Variants in SNX14 observed in about 807,000 individuals in gnomAD.
SNX14 encodes sorting nexin 14, also known as sorting nexin-14.
A neutral mutation model predicts 133.8 loss-of-function variants in SNX14; 93 were observed. That is an observed-to-expected ratio of 0.70 (90% CI 0.59 to 0.83). The LOEUF (loss-of-function observed/expected upper bound fraction) is 0.83, where lower values mean the gene tolerates loss of function less well. Ranked by LOEUF, SNX14 falls within the 40% of genes least tolerant of loss-of-function variation. The pLI, the probability that SNX14 is intolerant of heterozygous loss-of-function variation, is 0.00. For synonymous variants in SNX14, 368 were observed against 365.6 expected, an observed-to-expected ratio of 1.01 and a Z score of -0.07; for missense variants, 945 against 1,094.9, an observed-to-expected ratio of 0.86 and a Z score of 1.93.
chr6:85,514,097 A>G lies in SNX14; in HGVS notation c.2530T>C (p.Leu844=). The G allele has an allele frequency of 6.2e-7, 1 of 1,613,500 alleles. No homozygotes were observed. The highest frequency in any genetic ancestry group is 8.5e-7 in the Non-Finnish European group (1 of 1,179,814). ...CTGAGAAGTGTTATGAGTGAGACCAAACGGTGCTCCTGAAATAGCTGTTCT... is the reference window on the plus strand; with the variant it reads ...CTGAGAAGTGTTATGAGTGAGACCAGACGGTGCTCCTGAAATAGCTGTTCT... ...KLEQLFQEHR[L]VSLITLLRDA... The change falls in exon 25 of 29, where the codon TTG becomes CTG. Residue 844 remains leucine, a synonymous_variant. Coordinates refer to ENST00000314673, the MANE Select transcript of SNX14 (RefSeq NM_153816.6).
At chr6:85,577,374 C>G (rs1164810118) in intron 1 of SNX14, among the ~76,000 whole-genome samples, 1 of 152,038 alleles carries the variant, frequency 6.6e-6, no homozygotes, top group African/African-American at 2.4e-5. Flanking sequence ...GCTGAGATCA[C>G]GCCACTGCAC....
chr6:85,579,955 C>T (rs9450302), intron 1 of SNX14, among the ~76,000 whole-genome samples: 100,307 of 151,976 alleles, frequency 0.66, 33,897 homozygotes, highest in African/African-American at 0.79. Context: ...AGCCTTCTAT[C>T]TGGCGATCTT....
intron 4 of SNX14, among the ~76,000 whole-genome samples, chr6:85,570,756 G>T (rs1795278747): frequency 6.6e-6 from 1 of 151,924 alleles, no homozygotes. Flanking sequence ...GGGAGGCTGA[G>T]GCAAGAGAAT....
intron 16 of SNX14, chr6:85,537,169 C>A: frequency 2.9e-6 from 1 of 340,766 alleles, no homozygotes. Flanking sequence ...TTTATAAACA[C>A]TCAAAATTTA....
chr6:85,538,338 T>C (rs1782570640), intron 16 of SNX14, among the ~76,000 whole-genome samples: 1 of 152,084 alleles, frequency 6.6e-6, no homozygotes, highest in South Asian at 2.1e-4. Flanking sequence ...GACATAAAAA[T>C]GTTAACAAAA....
intron 4 of SNX14, among the ~76,000 whole-genome samples, chr6:85,568,649 G>A (rs976741636): frequency 1.4e-4 from 22 of 152,286 alleles, no homozygotes; most frequent in Admixed American, 1.3e-4. Context: ...ATGCAGTAGG[G>A]AGGGAACAAA....
chr6:85,548,340 G>A lies in SNX14; in HGVS notation c.828C>T (p.Gly276=). Reference sequence around the variant, plus strand: ...AATCCAAAGAAGGAAGGAACACAGAGCCAGACAGAATCTCTCTTATAAGTA... The same window carrying A: ...AATCCAAAGAAGGAAGGAACACAGAACCAGACAGAATCTCTCTTATAAGTA... The part of the protein sequence containing the change: ...LTLLIREILS[G]SVFLPSLDFL... The change falls in exon 9 of 29, where the codon GGC becomes GGT. Residue 276 remains glycine (G), a synonymous_variant. Coordinates refer to ENST00000314673, the MANE Select transcript of SNX14 (RefSeq NM_153816.6). The A allele has an allele frequency of 6.2e-7, 1 of 1,608,054 alleles. No homozygotes were observed. The highest frequency in any genetic ancestry group is 1.1e-5 in the South Asian group (1 of 89,370).
At chr6:85,521,205 C>T (rs1374624813) in intron 21 of SNX14, among the ~76,000 whole-genome samples, 1 of 151,976 alleles carries the variant, frequency 6.6e-6, no homozygotes, top group Non-Finnish European at 1.5e-5. Context: ...ATTTATTGAC[C>T]ATATATTGAT....
chr6:85,581,600 T>C (rs1799085868), intron 1 of SNX14: 1 of 151,962 alleles, frequency 6.6e-6, no homozygotes, highest in South Asian at 2.1e-4. Flanking sequence ...AAATTCAAGA[T>C]AACACAGAGA....
chr6:85,530,824 TAACAGA>T (rs1409381639), intron 18 of SNX14, among the ~76,000 whole-genome samples: 2 of 152,196 alleles, frequency 1.3e-5, no homozygotes, highest in Non-Finnish European at 2.9e-5. Context: ...ACTTTTTCTA[TAACAGA>T]ATCAGAGCTG....
chr6:85,505,913 C>T lies in SNX14; in HGVS notation c.*54G>A. 8.0e-7 allele frequency: 1 copy of T among 1,257,186 alleles called. No homozygotes were observed. Among genetic ancestry groups the T allele is most frequent in the Non-Finnish European group, 1.2e-6 (1 of 860,154 alleles). The allele number at this position is 1,257,186 out of a possible 1,614,324, so 77.9% of individuals were successfully genotyped here. A position where few individuals can be genotyped will look rare whatever the true frequency, so the allele number is the denominator to read the frequency against. On this transcript the variant is annotated 3_prime_UTR_variant, in exon 29 of 29. Coordinates refer to ENST00000314673, the MANE Select transcript of SNX14 (RefSeq NM_153816.6). ...ATATACCCAAAAAAGTAAATTTCTA[C>T]CACCCTCGCACAGCAGAAATTTCAA...
In SNX14 at chr6:85,505,801, C is replaced by T. The variant is rs763619483; in HGVS notation, c.*166G>A. The T allele has an allele frequency of 1.0e-4, 64 of 611,186 alleles. No homozygotes were observed. In the Middle Eastern group the frequency reaches 1.3e-3, roughly 12 times the overall value. 37.9% of individuals were successfully genotyped at this position (611,186 alleles called of 1,614,324 possible). On this transcript the variant is annotated 3_prime_UTR_variant, in exon 29 of 29. Transcript: ENST00000314673. ...AATGAAAGACTATGAGACTCAATCA[C>T]TTTTAATCATTAAGTTTGTGTTAGT...
chr6:85,592,100 G>C (rs1008984977), intron 1 of SNX14, among the ~76,000 whole-genome samples: 3 of 152,202 alleles, frequency 2.0e-5, no homozygotes, highest in Admixed American at 6.5e-5. Context: ...CCTTCCAGAT[G>C]ACAGAAAGCA....
intron 7 of SNX14, among the ~76,000 whole-genome samples, chr6:85,551,168 A>C (rs1787698395): frequency 6.6e-6 from 1 of 152,194 alleles, no homozygotes. Context: ...GCCCTCAGAC[A>C]AAATGGACTC....
intron 16 of SNX14, 32 bp from the exon 17 acceptor site, chr6:85,536,956 T>C (rs373656936): frequency 6.9e-6 from 11 of 1,592,162 alleles, no homozygotes; most frequent in Middle Eastern, 1.7e-4. Context: ...ATCAAGTACA[T>C]AGCAAATTAT....
intron 26 of SNX14, 130 bp downstream of exon 26, chr6:85,513,670 T>C: frequency 1.5e-6 from 1 of 662,748 alleles, no homozygotes; most frequent in South Asian, 2.0e-5. Context: ...GTGTTAATTT[T>C]AACTGATCTT....
intron 19 of SNX14, among the ~76,000 whole-genome samples, chr6:85,529,699 C>A (rs2127987292): frequency 6.6e-6 from 1 of 152,274 alleles, no homozygotes; most frequent in South Asian, 2.1e-4. Flanking sequence ...ACAGCAGGGA[C>A]AGGAACGTTC....
intron 17 of SNX14, among the ~76,000 whole-genome samples, chr6:85,535,743 G>A (rs1781756154): frequency 6.6e-6 from 1 of 151,848 alleles, no homozygotes; most frequent in South Asian, 2.1e-4. Flanking sequence ...AAGAATCAGT[G>A]ACCCTTACAT....
rs1489008142 is a variant in SNX14, at chr6:85,508,144, T to C, written c.2654-85A>G. Reference sequence around the variant, plus strand: ...GGATCATAAAGCAAAATCACCACCCTGTTTCCCAGATACTAGGCAAAAACT... The same window carrying C: ...GGATCATAAAGCAAAATCACCACCCCGTTTCCCAGATACTAGGCAAAAACT... On this transcript the variant is annotated intron_variant, in intron 26 of 28. Coordinates refer to ENST00000314673, the MANE Select transcript of SNX14 (RefSeq NM_153816.6). 56 of 1,497,500 alleles carry C rather than the reference T, an allele frequency of 3.7e-5. No individual in the cohort carries two copies. In the East Asian group the frequency reaches 1.3e-3, roughly 34 times the overall value. 92.8% of individuals were successfully genotyped at this position (1,497,500 alleles called of 1,614,324 possible). A position where few individuals can be genotyped will look rare whatever the true frequency, so the allele number is the denominator to read the frequency against.
Sources: gnomAD v4.1 joint callset for allele counts (sites outside exome capture counted in the v4.1 genomes callset) on GRCh38, gnomAD v4.1.1 for gene constraint, MANE v1.5 for transcripts, NCBI Gene and HGNC (gene_info 2026-07-23, HGNC 2026-07-21) for gene names.